The following DMXL1 variants were observed in gnomAD, a reference collection of about 807,000 sequenced individuals.
The protein encoded by DMXL1 is Dmx like 1, also known as dmX-like protein 1.
In DMXL1, 99 loss-of-function variants were observed where a neutral mutation model predicts 319.2. That is an observed-to-expected ratio of 0.31 (90% confidence interval 0.26 to 0.37). The LOEUF (loss-of-function observed/expected upper bound fraction) is 0.37, where lower values mean the gene tolerates loss of function less well. Among genes scored for constraint, DMXL1 ranks in the 10% least tolerant of loss-of-function variants. The pLI, the probability that DMXL1 is intolerant of heterozygous loss-of-function variation, is 1.00. For synonymous variants in DMXL1, 1,385 were observed against 1,235.2 expected (o/e 1.12, Z -2.54); for missense variants, 3,745 against 3,595.6 (o/e 1.04, Z -1.06).
chr5:119,177,444 T>G lies in DMXL1; in HGVS notation c.6846T>G (p.Asp2282Glu). ...CTTCTTTGAAAACAGGAAGCTTAGATGAAGCATTAACTCCCAATACGTCAC... is the reference window on the plus strand; with the variant it reads ...CTTCTTTGAAAACAGGAAGCTTAGAGGAAGCATTAACTCCCAATACGTCAC... Reference protein sequence around the residue: ...HRPSLKTGSLDEALTPNTSPA... With the variant: ...HRPSLKTGSLEEALTPNTSPA... Residue 2282 changes from aspartate (D) to glutamate (E), a missense_variant, in exon 27 of 44, where the codon GAT (aspartate) becomes GAG (glutamate). This residue lies in a region of DMXL1 where 1,382 missense variants were observed against 1,269.5 expected (regional missense o/e 1.09). Coordinates refer to ENST00000539542, the MANE Select transcript of DMXL1 (RefSeq NM_001290321.3). 6.2e-7 allele frequency: 1 copy of G among 1,609,876 alleles called. No individual in the cohort carries two copies. Among genetic ancestry groups the G allele is most frequent in the Non-Finnish European group, 8.5e-7 (1 of 1,177,410 alleles).
chr5:119,212,196 A>G (rs960362329), intron 34 of DMXL1, among the ~76,000 whole-genome samples: 6 of 152,172 alleles, frequency 3.9e-5, no homozygotes, highest in Non-Finnish European at 7.4e-5. Flanking sequence ...TGTGCCCGCT[A>G]AACAACAGCT....
chr5:119,172,865 T>C (rs1223493436), intron 25 of DMXL1, among the ~76,000 whole-genome samples: 1 of 152,230 alleles, frequency 6.6e-6, no homozygotes, highest in Non-Finnish European at 1.5e-5. Flanking sequence ...CCTTAATCCT[T>C]GTAATTAAAT....
intron 1 of DMXL1, among the ~76,000 whole-genome samples, chr5:119,095,966 C>T (rs1258302554): frequency 2.0e-5 from 3 of 152,026 alleles, no homozygotes; most frequent in African/African-American, 7.2e-5. Context: ...CTGTTGGTAC[C>T]ATGGAAATAG....
chr5:119,093,948 A>G (rs1000174765), intron 1 of DMXL1, among the ~76,000 whole-genome samples: 7 of 152,330 alleles, frequency 4.6e-5, no homozygotes, highest in Admixed American at 6.5e-5. Context: ...GGAAGCTGCA[A>G]AATTAAAGTT....
At chr5:119,171,464 T>A (rs947504572) in intron 24 of DMXL1, among the ~76,000 whole-genome samples, 184 bp downstream of exon 24, 2 of 152,172 alleles carry the variant, frequency 1.3e-5, no homozygotes, top group African/African-American at 4.8e-5. Flanking sequence ...TTACAGACGA[T>A]TCAGTATCAG....
chr5:119,074,266 G>GA (rs141908260), intron 1 of DMXL1, among the ~76,000 whole-genome samples: 1,744 of 152,298 alleles, frequency 0.011, 23 homozygotes, highest in Admixed American at 0.025. Flanking sequence ...TCTTTGATAG[G>GA]AAAATAGTAA....
chr5:119,195,664 G>A (rs1010509873), intron 30 of DMXL1, among the ~76,000 whole-genome samples: 1 of 152,138 alleles, frequency 6.6e-6, no homozygotes, highest in Non-Finnish European at 1.5e-5. Context: ...TGGTTGCACA[G>A]CAATGTGAAT....
chr5:119,102,549 C>G (rs192571770), intron 3 of DMXL1, among the ~76,000 whole-genome samples: 28 of 152,240 alleles, frequency 1.8e-4, no homozygotes, highest in African/African-American at 6.0e-4. Flanking sequence ...TTCTTTAATG[C>G]TTGTGCCTGT....
chr5:119,077,670 A>G (rs1450607164), intron 1 of DMXL1, among the ~76,000 whole-genome samples: 3 of 125,470 alleles, frequency 2.4e-5, no homozygotes, highest in African/African-American at 1.0e-4. Context: ...GTGTGTGTAT[A>G]TATATGTGTG....
At chr5:119,225,712 G>A (rs898810476) in intron 38 of DMXL1, among the ~76,000 whole-genome samples, 7 of 152,054 alleles carry the variant, frequency 4.6e-5, no homozygotes, top group South Asian at 2.1e-4. Context: ...CAAGAGAACC[G>A]TATATGTAAA....
At chr5:119,089,450 C>T (rs6595173) in intron 1 of DMXL1, among the ~76,000 whole-genome samples, 30 of 148,414 alleles carry the variant, frequency 2.0e-4, no homozygotes, top group East Asian at 4.0e-4. Flanking sequence ...GAATTACAGG[C>T]GCGCACCACC....
At chr5:119,154,204 A>C (rs1770485453) in intron 19 of DMXL1, among the ~76,000 whole-genome samples, 1 of 152,238 alleles carries the variant, frequency 6.6e-6, no homozygotes, top group African/African-American at 2.4e-5. Context: ...TAAGTGTTCA[A>C]GTGAAAGGAA....
chr5:119,234,481 A>G lies in DMXL1; in HGVS notation c.8466+1014A>G, dbSNP rs142962708. Among the ~76,000 whole-genome samples the G allele has an allele frequency of 4.6e-4, 70 of 152,198 alleles. 1 individual carries two copies. The highest frequency in any genetic ancestry group is 1.6e-3 in the African/African-American group (68 of 41,522). On this transcript the variant is annotated intron_variant, in intron 39 of 43. Coordinates refer to ENST00000539542, the MANE Select transcript of DMXL1 (RefSeq NM_001290321.3). Reference sequence around the variant, plus strand: ...CATTCCTTTTATCATTGTGTGCTGCAACCTTTTTTGTCTACCATGTTTATC... The same window carrying G: ...CATTCCTTTTATCATTGTGTGCTGCGACCTTTTTTGTCTACCATGTTTATC...
chr5:119,202,899 A>ATATATATT (rs1357363006), intron 32 of DMXL1, among the ~76,000 whole-genome samples: 1 of 144,676 alleles, frequency 6.9e-6, no homozygotes, highest in African/African-American at 2.5e-5. Context: ...ATATATATAT[A>ATATATATT]TATATATTTA....
Position 119,175,129 on chromosome 5 carries a change from G to A in DMXL1, c.6682-132G>A, listed in dbSNP as rs899481455. On this transcript the variant is annotated intron_variant, in intron 25 of 43. Coordinates refer to ENST00000539542, the MANE Select transcript of DMXL1 (RefSeq NM_001290321.3). The stretch of plus-strand genomic sequence containing the variant: ...TAAAAATGAGTGTTGTAGAAAAAAA[G>A]GAAATAGTTCATGAAGGCAAAGAAT... The A allele has an allele frequency of 3.3e-5, 18 of 538,630 alleles. No individual in the cohort carries two copies. The African/African-American group carries it at 3.3e-4, about 10-fold the overall frequency. 33.4% of individuals were successfully genotyped at this position (538,630 alleles called of 1,614,324 possible).
At chr5:119,147,146 A>G (rs1768747221) in intron 16 of DMXL1, 103 bp from the exon 17 acceptor site, 6 of 1,150,570 alleles carry the variant, frequency 5.2e-6, no homozygotes, top group Non-Finnish European at 7.4e-6. Flanking sequence ...TATGTTTACT[A>G]TTTTATCTTT....
intron 38 of DMXL1, among the ~76,000 whole-genome samples, chr5:119,232,160 G>A (rs981270010): frequency 4.6e-5 from 7 of 151,846 alleles, no homozygotes; most frequent in Admixed American, 1.3e-4. Flanking sequence ...ATTTTTTAAC[G>A]TTATAAATAA....
chr5:119,101,958 T>C lies in DMXL1; in HGVS notation c.237T>C (p.Val79=), dbSNP rs1442358784. The change falls in exon 3 of 44, where the codon GTT becomes GTC. Residue 79 remains valine, a synonymous_variant. Transcript: ENST00000539542. The stretch of plus-strand genomic sequence containing the variant: ...AGATTGCAGCGTCTTATGGAAATGT[T>C]ATCTCCATTTTTGAACCAGTTAACC... ...QGKIAASYGN[V]ISIFEPVNLP... 6 of 1,605,642 alleles carry C rather than the reference T, an allele frequency of 3.7e-6. No individual in the cohort carries two copies. Among genetic ancestry groups the C allele is most frequent in the Non-Finnish European group, 3.4e-6 (4 of 1,175,976 alleles).
intron 17 of DMXL1, 140 bp from the exon 18 acceptor site, chr5:119,148,599 A>T: frequency 1.2e-6 from 1 of 800,368 alleles, no homozygotes; most frequent in South Asian, 1.8e-5. Context: ...TATGCAGTTT[A>T]AAAAACATAC....
Sources: gnomAD v4.1 joint callset for allele counts (sites outside exome capture counted in the v4.1 genomes callset) on GRCh38, gnomAD v4.1.1 for gene constraint, gnomAD v4.1.1 regional missense constraint, MANE v1.5 for transcripts, NCBI Gene and HGNC (gene_info 2026-07-23, HGNC 2026-07-21) for gene names.